Variants in JADE3 observed in about 807,000 individuals in gnomAD.
JADE3 encodes jade family PHD finger 3.
Under a neutral mutation model 50.1 loss-of-function variants are expected in JADE3, and 2 were observed. The observed-to-expected ratio is 0.04, with a 90% CI of 0.02 to 0.13. JADE3 has a LOEUF of 0.13. JADE3 is among the 10% of genes least tolerant of loss of function. The pLI is 1.00. For missense variants in JADE3, 475 were observed against 634.4 expected (o/e 0.75, Z 2.70); for synonymous variants, 218 against 232.9 (o/e 0.94, Z 0.58).
intron 1 of JADE3, among the ~76,000 whole-genome samples, chrX:46,964,357 G>A (rs782395986): frequency 3.6e-5 from 4 of 111,704 alleles, no homozygotes; most frequent in African/African-American, 1.3e-4. Context: ...ATCATAAAAG[G>A]CAATCTGCCT....
intron 3 of JADE3, among the ~76,000 whole-genome samples, chrX:46,992,874 G>A (rs782419072): frequency 8.9e-6 from 1 of 111,828 alleles, no homozygotes; most frequent in Non-Finnish European, 1.9e-5. Flanking sequence ...AGGGATATGT[G>A]AATCCCCTGT....
chrX:47,012,953 G>T (rs1408475798), intron 4 of JADE3, among the ~76,000 whole-genome samples: 1 of 111,415 alleles, frequency 9.0e-6, no homozygotes, highest in Non-Finnish European at 1.9e-5. Context: ...AAGTCAGGCT[G>T]CTATGAAAGA....
intron 1 of JADE3, among the ~76,000 whole-genome samples, chrX:46,944,740 T>C (rs782003753): frequency 8.9e-6 from 1 of 111,805 alleles, no homozygotes; most frequent in African/African-American, 3.3e-5. Context: ...ACACATTAAT[T>C]TTTAGGCTAA....
intron 1 of JADE3, among the ~76,000 whole-genome samples, chrX:46,980,365 CA>C (rs1279503247): frequency 9.0e-6 from 1 of 111,291 alleles, no homozygotes; most frequent in East Asian, 2.8e-4. Context: ...TTCCCACCAG[CA>C]ATGTATGAGT....
At chrX:47,028,948 C>T (rs1928960391) in intron 6 of JADE3, among the ~76,000 whole-genome samples, 1 of 111,495 alleles carries the variant, frequency 9.0e-6, no homozygotes, top group Non-Finnish European at 1.9e-5. Context: ...CTTTCTTGAA[C>T]TCCCTTACCC....
In JADE3 at chrX:47,037,760, A is replaced by G. The variant is rs782630273; in HGVS notation, c.856-1189A>G. Reference sequence around the variant, plus strand: ...CATGGGGTATTCATCCCCTTCAAGCATTTATCCTTTTTGTGTTACAAACAA... The same window carrying G: ...CATGGGGTATTCATCCCCTTCAAGCGTTTATCCTTTTTGTGTTACAAACAA... On this transcript the variant is annotated intron_variant, in intron 7 of 10. Transcript: ENST00000614628. Among the ~76,000 whole-genome samples, 6 of 112,423 alleles carry G rather than the reference A, an allele frequency of 5.3e-5. No individual in the cohort carries two copies. In the East Asian group the frequency reaches 1.4e-3, roughly 26 times the overall value.
At chrX:47,025,374 C>T (rs1928884368) in intron 5 of JADE3, among the ~76,000 whole-genome samples, 1 of 111,736 alleles carries the variant, frequency 8.9e-6, no homozygotes, top group South Asian at 3.7e-4. Flanking sequence ...AGCACCACTG[C>T]AACTGACAGA....
Position 47,059,715 on chromosome X carries a change from CTA to C in JADE3, c.*640_*641del, listed in dbSNP as rs1487669169. On this transcript the variant is annotated 3_prime_UTR_variant, in exon 11 of 11. Transcript: ENST00000614628. ...TTGCTTGTTGGGGACACACTCATAACTATTTCACCTGACTGACAAGCATAAAA... is the reference window on the plus strand; with the variant it reads ...TTGCTTGTTGGGGACACACTCATAACTTTCACCTGACTGACAAGCATAAAA... The C allele has an allele frequency of 8.9e-6, 1 of 111,913 alleles. No homozygotes were observed. 9.2% of individuals were successfully genotyped at this position (111,913 alleles called of 1,213,427 possible). A position where few individuals can be genotyped will look rare whatever the true frequency, so the allele number is the denominator to read the frequency against.
chrX:47,015,650 A>G (rs980331784), intron 4 of JADE3, among the ~76,000 whole-genome samples: 1 of 108,730 alleles, frequency 9.2e-6, no homozygotes, highest in African/African-American at 3.3e-5. Context: ...ACTTGAAAAT[A>G]TTTGGAAATA....
intron 1 of JADE3, among the ~76,000 whole-genome samples, chrX:46,945,242 A>C (rs1556343149): frequency 9.0e-6 from 1 of 110,499 alleles, no homozygotes. Context: ...GTAAAACCAG[A>C]GTCTGGATGA....
intron 1 of JADE3, among the ~76,000 whole-genome samples, chrX:46,940,746 G>A (rs1358295794): frequency 1.8e-5 from 2 of 110,730 alleles, no homozygotes; most frequent in African/African-American, 3.3e-5. Flanking sequence ...TCCATAGCCT[G>A]TTGTTCCCAA....
chrX:47,012,040 C>A (rs1260386493), intron 4 of JADE3, among the ~76,000 whole-genome samples: 1 of 111,479 alleles, frequency 9.0e-6, no homozygotes, highest in Non-Finnish European at 1.9e-5. Context: ...AGTTCCCTGA[C>A]CATCAGTGTT....
intron 3 of JADE3, among the ~76,000 whole-genome samples, chrX:46,997,762 A>T (rs1928164598): frequency 8.9e-6 from 1 of 112,203 alleles, no homozygotes; most frequent in Admixed American, 9.5e-5. Context: ...TTTAAAATGA[A>T]ATGATGCCCA....
chrX:46,994,606 C>A (rs782430244), intron 3 of JADE3, among the ~76,000 whole-genome samples: 1 of 111,579 alleles, frequency 9.0e-6, no homozygotes, highest in Non-Finnish European at 1.9e-5. Context: ...GCCTTTGGAA[C>A]GTTAGTTAAA....
At chrX:46,960,918 A>G (rs937558940) in intron 1 of JADE3, among the ~76,000 whole-genome samples, 20 of 110,630 alleles carry the variant, frequency 1.8e-4, no homozygotes, top group African/African-American at 6.6e-4. Context: ...GTCAGATTTC[A>G]CCCTAAACTC....
Position 46,969,896 on chromosome X carries a change from T to TTA in JADE3, c.-11-14984_-11-14983dup, listed in dbSNP as rs782695921. 5.3e-5 allele frequency among the ~76,000 whole-genome samples: 6 copies of TTA among 112,221 alleles called. No individual in the cohort carries two copies. In the East Asian group the frequency reaches 1.7e-3, roughly 31 times the overall value. On this transcript the variant is annotated intron_variant, in intron 1 of 10. Transcript: ENST00000614628. Reference sequence around the variant, plus strand: ...GAAGGAAATTTAGAGCACTGAATGCTTATATGAGGAAAAGATGAAAGGCCT... The same window carrying TTA: ...GAAGGAAATTTAGAGCACTGAATGCTTATATATGAGGAAAAGATGAAAGGCCT...
At chrX:46,980,855 A>G (rs1927733222) in intron 1 of JADE3, among the ~76,000 whole-genome samples, 1 of 111,789 alleles carries the variant, frequency 8.9e-6, no homozygotes, top group African/African-American at 3.3e-5. Flanking sequence ...TATTTAGCTG[A>G]CTATAAAATA....
intron 1 of JADE3, among the ~76,000 whole-genome samples, chrX:46,913,579 TTTTG>T (rs1222272236): frequency 9.9e-5 from 11 of 111,377 alleles, no homozygotes; most frequent in African/African-American, 1.6e-4. Flanking sequence ...TTGTTTTGTT[TTTTG>T]TTTGTTTGTT....
At position 47,006,964 on chromosome X, in the gene JADE3, C is replaced by CT. The variant is rs1170019519; in HGVS notation, c.284+8698dup. 3.0e-3 allele frequency among the ~76,000 whole-genome samples: 304 copies of CT among 102,433 alleles called. 1 individual carries two copies. The highest frequency in any genetic ancestry group is 4.4e-3 in the Non-Finnish European group (217 of 49,823). The allele number at this position is 102,433 out of a possible 115,157, so 89.0% of individuals were successfully genotyped here. A position where few individuals can be genotyped will look rare whatever the true frequency, so the allele number is the denominator to read the frequency against. ...CTTTCTGTTGCTGATTTCTAGTTTT[C>CT]TTTTTTTTTTTCTTTTCTTTTAAGA... On this transcript the variant is annotated intron_variant, in intron 4 of 10. Coordinates refer to ENST00000614628, the MANE Select transcript of JADE3 (RefSeq NM_014735.5).
Sources: gnomAD v4.1 joint callset for allele counts (sites outside exome capture counted in the v4.1 genomes callset) on GRCh38, gnomAD v4.1.1 for gene constraint, MANE v1.5 for transcripts, NCBI Gene and HGNC (gene_info 2026-07-23, HGNC 2026-07-21) for gene names.